Variants in PLA2G3 observed in about 807,000 individuals in gnomAD.
PLA2G3 encodes group 3 secretory phospholipase A2.
In PLA2G3, 39 loss-of-function variants were observed where a neutral mutation model predicts 51.3. The ratio of observed to expected loss-of-function variants is 0.76; its 90% CI spans 0.59 to 0.99. The LOEUF (loss-of-function observed/expected upper bound fraction) is 0.99, where lower values mean the gene tolerates loss of function less well. PLA2G3 is among the 50% of genes least tolerant of loss of function. The pLI is 0.00. For synonymous variants in PLA2G3, 293 were observed against 263.1 expected, an observed-to-expected ratio of 1.11 and a Z score of -1.10; for missense variants, 677 against 662.1, an observed-to-expected ratio of 1.02 and a Z score of -0.25.
intron 6 of PLA2G3, 148 bp from the exon 7 acceptor site, chr22:31,136,084 G>A: frequency 1.5e-6 from 1 of 654,326 alleles, no homozygotes; most frequent in Non-Finnish European, 2.6e-6. Flanking sequence ...CGGAGAAAGG[G>A]TATAATAAAC....
intron 4 of PLA2G3, 100 bp downstream of exon 4, chr22:31,137,610 G>C: frequency 1.8e-6 from 2 of 1,095,696 alleles, no homozygotes; most frequent in Non-Finnish European, 1.3e-6. Context: ...ATCCCAGGAG[G>C]AAACTGGTGC....
chr22:31,137,895 G>A lies in PLA2G3; in HGVS notation c.881C>T (p.Ser294Phe), dbSNP rs866328205. The change falls in exon 4 of 7, where the codon TCC becomes TTC. Residue 294 changes from serine to phenylalanine, a missense_variant. Coordinates refer to ENST00000215885, the MANE Select transcript of PLA2G3 (RefSeq NM_015715.5). ...AGGCTTGGGAGGGGCTGGGCTCCGG[G>A]AGCTGGGAGTTGGGGAGGTGGCCCG... ...SSRATSPTPS[S>F]RSPAPPKPRQ... 1 of 1,613,832 alleles carries A rather than the reference G, an allele frequency of 6.2e-7. No homozygotes were observed. The highest frequency in any genetic ancestry group is 8.5e-7 in the Non-Finnish European group (1 of 1,179,896).
In PLA2G3 at chr22:31,136,889, G is replaced by A; in HGVS notation, c.1199+19C>T. 1 of 1,606,374 alleles carries A rather than the reference G, an allele frequency of 6.2e-7. No individual in the cohort carries two copies. Among genetic ancestry groups the A allele is most frequent in the Non-Finnish European group, 8.5e-7 (1 of 1,177,260 alleles). On this transcript the variant is annotated intron_variant, in intron 5 of 6. Coordinates refer to ENST00000215885, the MANE Select transcript of PLA2G3 (RefSeq NM_015715.5). Reference sequence around the variant, plus strand: ...TGGCAGCAGGCAGCCCACCCCGCGAGGGTTCAAAGGGGCCTCACCGGCGCG... The same window carrying A: ...TGGCAGCAGGCAGCCCACCCCGCGAAGGTTCAAAGGGGCCTCACCGGCGCG...
chr22:31,135,374 C>T lies in PLA2G3; in HGVS notation c.*349G>A, dbSNP rs572793150. 3 of 278,872 alleles carry T rather than the reference C, an allele frequency of 1.1e-5. No homozygotes were observed. The highest frequency in any genetic ancestry group is 1.5e-4 in the East Asian group (2 of 13,220). 17.3% of individuals were successfully genotyped at this position (278,872 alleles called of 1,614,324 possible). A position where few individuals can be genotyped will look rare whatever the true frequency, so the allele number is the denominator to read the frequency against. The stretch of plus-strand genomic sequence containing the variant: ...TTTTTGCAACACGGACATACATGTA[C>T]CTCCTCCTGGTACTGCCTGGGGCTG... On this transcript the variant is annotated 3_prime_UTR_variant, in exon 7 of 7. Coordinates refer to ENST00000215885, the MANE Select transcript of PLA2G3 (RefSeq NM_015715.5).
chr22:31,135,315 GGC>G lies in PLA2G3; in HGVS notation c.*406_*407del, dbSNP rs1922496724. The G allele has an allele frequency of 5.7e-6, 1 of 174,464 alleles. No individual in the cohort carries two copies. The highest frequency in any genetic ancestry group is 2.4e-5 in the African/African-American group (1 of 42,122). 10.8% of individuals were successfully genotyped at this position (174,464 alleles called of 1,614,324 possible). ...TCAGGCCACAGCACCCAGGCACTAG[GGC>G]TCCCCTAGGCAGGTTTTTGAGGCAT... On this transcript the variant is annotated 3_prime_UTR_variant, in exon 7 of 7. Coordinates refer to ENST00000215885, the MANE Select transcript of PLA2G3 (RefSeq NM_015715.5).
chr22:31,137,185 C>T, intron 4 of PLA2G3, 145 bp from the exon 5 acceptor site: 7 of 886,358 alleles, frequency 7.9e-6, no homozygotes, highest in Non-Finnish European at 1.2e-5. Flanking sequence ...GTCTTTGTGC[C>T]CTCAGTGTGC....
rs200739911 is a variant in PLA2G3 at position 31,136,819 on chromosome 22, C to T, written c.1200-20G>A. 2.4e-3 allele frequency: 3,810 copies of T among 1,604,358 alleles called. 9 individuals carry two copies. Among genetic ancestry groups the T allele is most frequent in the Non-Finnish European group, 2.9e-3 (3,456 of 1,176,154 alleles). ...GCCAGACTGAGAACAGAGGCAGGCT[C>T]AGGCCGGGGCAGGGCCTTGCCAGCC... On this transcript the variant is annotated intron_variant, in intron 5 of 6. Transcript: ENST00000215885.
At position 31,138,272 on chromosome 22, in the gene PLA2G3, G is replaced by A. The variant is rs2232178; in HGVS notation, c.782+4C>T. Reference sequence around the variant, plus strand: ...GAAAGGGACATGAGGGGGTGGCCACGTACCCGCCCCACCAGTACCACGCCA... The same window carrying A: ...GAAAGGGACATGAGGGGGTGGCCACATACCCGCCCCACCAGTACCACGCCA... On this transcript the variant is annotated splice_donor_region_variant and intron_variant, in intron 3 of 6. Transcript: ENST00000215885. 3.8e-5 allele frequency: 62 copies of A among 1,612,980 alleles called. No individual in the cohort carries two copies. In the East Asian group the frequency reaches 6.9e-4, roughly 18 times the overall value.
At chr22:31,138,902 C>G in intron 1 of PLA2G3, 103 bp from the exon 2 acceptor site, 13 of 1,166,870 alleles carry the variant, frequency 1.1e-5, no homozygotes, top group Non-Finnish European at 1.6e-5. Flanking sequence ...CTGGTTCTCA[C>G]CCCAGCCCTG....
Position 31,137,040 on chromosome 22 carries a change from C to T in PLA2G3, c.1067G>A (p.Gly356Asp), listed in dbSNP as rs369469782. 221 of 1,530,962 alleles carry T rather than the reference C, an allele frequency of 1.4e-4. No individual in the cohort carries two copies. Among genetic ancestry groups the T allele is most frequent in the Non-Finnish European group, 1.5e-4 (175 of 1,137,686 alleles). The allele number at this position is 1,530,962 out of a possible 1,614,324, so 94.8% of individuals were successfully genotyped here. A position where few individuals can be genotyped will look rare whatever the true frequency, so the allele number is the denominator to read the frequency against. The change falls in exon 5 of 7, where the codon GGT (glycine) becomes GAT (aspartate). Residue 356 changes from glycine (G) to aspartate (D), a missense_variant and splice_region_variant. Gly to Asp is a moderately conservative substitution (Grantham distance 94). Transcript: ENST00000215885. ...QGPQGGLKPQ[G>D]ARWVCRSFRR... ...GAAGCTGCGGCAGACCCAGCGGGCA[C>T]CTGAGGGGTGGATGTGGTGTTGATG...
chr22:31,135,756 T>C lies in PLA2G3; in HGVS notation c.1497A>G (p.Arg499=). 1 of 1,613,788 alleles carries C rather than the reference T, an allele frequency of 6.2e-7. No homozygotes were observed. Among genetic ancestry groups the C allele is most frequent in the Non-Finnish European group, 8.5e-7 (1 of 1,179,974 alleles). The change falls in exon 7 of 7, where the codon AGA becomes AGG. Residue 499 remains arginine (R), a synonymous_variant. Coordinates refer to ENST00000215885, the MANE Select transcript of PLA2G3 (RefSeq NM_015715.5). The part of the protein sequence containing the change: ...QCLQLTQAAR[R]PDRQQKSWSQ ...TCCAGGACTTCTGCTGCCTGTCGGG[T>C]CTCCTGGCTGCCTGGGTTAGCTGCA...
chr22:31,139,726 A>T, intron 1 of PLA2G3, 115 bp downstream of exon 1: 1 of 683,138 alleles, frequency 1.5e-6, no homozygotes, highest in Non-Finnish European at 2.5e-6. Flanking sequence ...ATTGAGGTTC[A>T]CCATGGTCAA....
intron 6 of PLA2G3, among the ~76,000 whole-genome samples, chr22:31,136,225 A>G (rs1922550198): frequency 6.6e-6 from 1 of 152,228 alleles, no homozygotes; most frequent in Non-Finnish European, 1.5e-5. Flanking sequence ...TCCAGATGAA[A>G]GCAGAGCACA....
In PLA2G3 at chr22:31,138,258, G is replaced by A. The variant is rs766932618; in HGVS notation, c.782+18C>T. ...TCCCTCTCTGTCTGGAAAGGGACATGAGGGGGTGGCCACGTACCCGCCCCA... is the reference window on the plus strand; with the variant it reads ...TCCCTCTCTGTCTGGAAAGGGACATAAGGGGGTGGCCACGTACCCGCCCCA... On this transcript the variant is annotated intron_variant, in intron 3 of 6. Transcript: ENST00000215885. 24 of 1,611,998 alleles carry A rather than the reference G, an allele frequency of 1.5e-5. No individual in the cohort carries two copies. The highest frequency in any genetic ancestry group is 2.2e-5 in the South Asian group (2 of 90,998).
Position 31,135,415 on chromosome 22 carries a change from CT to C in PLA2G3, c.*307del. Reference sequence around the variant, plus strand: ...CCTGGGGCTGCTGCAATAAGTTACCCTTTCCCCATTCTCATCTGTATGTGAA... The same window carrying C: ...CCTGGGGCTGCTGCAATAAGTTACCCTTCCCCATTCTCATCTGTATGTGAA... On this transcript the variant is annotated 3_prime_UTR_variant, in exon 7 of 7. Transcript: ENST00000215885. The C allele has an allele frequency of 2.5e-6, 1 of 404,450 alleles. No individual in the cohort carries two copies. Among genetic ancestry groups the C allele is most frequent in the South Asian group, 3.9e-5 (1 of 25,888 alleles). The allele number at this position is 404,450 out of a possible 1,614,324, so 25.1% of individuals were successfully genotyped here.
chr22:31,137,152 T>C (rs1922624544), intron 4 of PLA2G3, 112 bp from the exon 5 acceptor site: 5 of 1,092,314 alleles, frequency 4.6e-6, no homozygotes, highest in Non-Finnish European at 3.8e-6. Flanking sequence ...ACACACAGAT[T>C]CCCTCCATTT....
Position 31,137,876 on chromosome 22 carries a change from G to C in PLA2G3, c.900C>G (p.Pro300=), listed in dbSNP as rs765941150. 7 of 1,613,890 alleles carry C rather than the reference G, an allele frequency of 4.3e-6. No individual in the cohort carries two copies. In the African/African-American group the frequency reaches 8.0e-5, roughly 18 times the overall value. Residue 300 remains proline (P), a synonymous_variant, in exon 4 of 7, where the codon CCC becomes CCG. Transcript: ENST00000215885. ...PTPSSRSPAP[P]KPRQKQHLRK... is the part of the protein sequence containing the mutation. ...GAAGGTGCTGCTTCTGTCGAGGCTT[G>C]GGAGGGGCTGGGCTCCGGGAGCTGG...
chr22:31,136,651 C>T (rs564815663), intron 6 of PLA2G3, 32 bp downstream of exon 6: 2 of 1,573,722 alleles, frequency 1.3e-6, no homozygotes, highest in African/African-American at 1.3e-5. Context: ...TTGAGAAAAC[C>T]CCCCATCCCT....
Position 31,137,979 on chromosome 22 carries a change from C to G in PLA2G3, c.797G>C (p.Gly266Ala). The G allele has an allele frequency of 6.4e-7, 1 of 1,569,412 alleles. No individual in the cohort carries two copies. The highest frequency in any genetic ancestry group is 2.2e-5 in the East Asian group (1 of 44,688). Residue 266 changes from glycine (G) to alanine (A), a missense_variant, in exon 4 of 7, where the codon GGC (glycine) becomes GCC (alanine). Gly to Ala is a moderately conservative substitution (Grantham distance 60). Coordinates refer to ENST00000215885, the MANE Select transcript of PLA2G3 (RefSeq NM_015715.5). ...CTGCAGGCGAGCGAGGGGCACTGTGCCGTACATCCTACACCTGGGTGGTGG... is the reference window on the plus strand; with the variant it reads ...CTGCAGGCGAGCGAGGGGCACTGTGGCGTACATCCTACACCTGGGTGGTGG... ...WYWWGGCRMYGTVPLARLQPR... is the reference protein window; with the variant it reads ...WYWWGGCRMYATVPLARLQPR...
Sources: gnomAD v4.1 joint callset for allele counts (sites outside exome capture counted in the v4.1 genomes callset) on GRCh38, gnomAD v4.1.1 for gene constraint, MANE v1.5 for transcripts, NCBI Gene and HGNC (gene_info 2026-07-23, HGNC 2026-07-21) for gene names.